The following SPIDR variants were observed in gnomAD, a reference collection of about 807,000 sequenced individuals.
SPIDR encodes scaffold protein involved in DNA repair.
Under a neutral mutation model 104.6 loss-of-function variants are expected in SPIDR, and 93 were observed. The ratio of observed to expected loss-of-function variants is 0.89; its 90% CI spans 0.75 to 1.06. The LOEUF is 1.06. SPIDR is among the 50% of genes least tolerant of loss of function. The pLI is 0.00. For synonymous variants in SPIDR, 431 were observed against 416.9 expected (o/e 1.03, Z -0.41); for missense variants, 1,154 against 1,111.2 (o/e 1.04, Z -0.55).
At chr8:47,351,295 TG>T (rs1229562354) in intron 5 of SPIDR, among the ~76,000 whole-genome samples, 4 of 152,296 alleles carry the variant, frequency 2.6e-5, no homozygotes, top group African/African-American at 9.6e-5. Context: ...AGACATCCAC[TG>T]GGGGTCTTGA....
At chr8:47,581,787 T>G (rs749530857) in intron 8 of SPIDR, among the ~76,000 whole-genome samples, 1 of 152,204 alleles carries the variant, frequency 6.6e-6, no homozygotes, top group Non-Finnish European at 1.5e-5. Flanking sequence ...GAAAAAAATT[T>G]CTATTTGCCT....
intron 7 of SPIDR, among the ~76,000 whole-genome samples, chr8:47,430,281 A>G (rs1425646456): frequency 6.6e-6 from 1 of 152,196 alleles, no homozygotes; most frequent in Non-Finnish European, 1.5e-5. Context: ...AGATGGCAGC[A>G]AGACACAAAC....
At chr8:47,667,929 C>T (rs1320157088) in intron 10 of SPIDR, 4 of 152,036 alleles carry the variant, frequency 2.6e-5, no homozygotes, top group African/African-American at 9.7e-5. Context: ...ACTGTAGCAT[C>T]TTCATGCTAT....
At chr8:47,301,889 A>C (rs2042145483) in intron 5 of SPIDR, among the ~76,000 whole-genome samples, 1 of 129,926 alleles carries the variant, frequency 7.7e-6, no homozygotes, top group Non-Finnish European at 1.7e-5. Context: ...TTTTTCCTTC[A>C]TTTCAACTTT....
At chr8:47,662,932 C>T (rs961349750) in intron 10 of SPIDR, among the ~76,000 whole-genome samples, 2 of 152,228 alleles carry the variant, frequency 1.3e-5, no homozygotes, top group Non-Finnish European at 2.9e-5. Context: ...CTGCTGGTGC[C>T]TTGATCTGGG....
intron 7 of SPIDR, among the ~76,000 whole-genome samples, chr8:47,430,354 T>C (rs1220484256): frequency 6.6e-6 from 1 of 152,242 alleles, no homozygotes; most frequent in Non-Finnish European, 1.5e-5. Context: ...TTATTCTGGC[T>C]CATCATAGGT....
chr8:47,398,328 C>T (rs1380939360), intron 6 of SPIDR, among the ~76,000 whole-genome samples: 1 of 152,112 alleles, frequency 6.6e-6, no homozygotes, highest in Non-Finnish European at 1.5e-5. Flanking sequence ...GGAATGGTTG[C>T]TCATAACAGA....
intron 5 of SPIDR, among the ~76,000 whole-genome samples, chr8:47,389,673 A>C (rs971394888): frequency 7.4e-6 from 1 of 135,350 alleles, no homozygotes; most frequent in Non-Finnish European, 1.5e-5. Flanking sequence ...TGGGCGACAG[A>C]GCAAGACTCC....
intron 10 of SPIDR, among the ~76,000 whole-genome samples, chr8:47,599,450 A>G (rs2062000404): frequency 6.6e-6 from 1 of 152,190 alleles, no homozygotes. Context: ...CATGTTCTTG[A>G]AAGTAATACA....
At chr8:47,547,348 TGG>T (rs1376636842) in intron 8 of SPIDR, 2 of 490,392 alleles carry the variant, frequency 4.1e-6, no homozygotes, top group Admixed American at 4.8e-5. Flanking sequence ...TCCAGCAGGG[TGG>T]GTTATATCAG....
At chr8:47,368,954 G>A (rs1554636790) in intron 5 of SPIDR, among the ~76,000 whole-genome samples, 1 of 152,182 alleles carries the variant, frequency 6.6e-6, no homozygotes, top group African/African-American at 2.4e-5. Flanking sequence ...GTAGTAAACT[G>A]CTGTGATGCC....
intron 5 of SPIDR, among the ~76,000 whole-genome samples, chr8:47,384,453 T>G (rs1184331514): frequency 1.3e-5 from 2 of 152,224 alleles, no homozygotes; most frequent in Non-Finnish European, 2.9e-5. Flanking sequence ...TTTTTAGTAC[T>G]TCAGCGTAAT....
intron 8 of SPIDR, among the ~76,000 whole-genome samples, chr8:47,445,420 C>T (rs1263591770): frequency 9.2e-5 from 14 of 152,284 alleles, no homozygotes; most frequent in Admixed American, 6.5e-4. Flanking sequence ...TCTAACTGCT[C>T]CATTGACCGG....
intron 11 of SPIDR, 87 bp downstream of exon 11, chr8:47,674,028 TA>T: frequency 1.4e-6 from 2 of 1,459,524 alleles, no homozygotes; most frequent in Non-Finnish European, 9.1e-7. Context: ...TTTTTAAAAT[TA>T]AAAGGCAATA....
At chr8:47,724,814 C>A (rs547490012) in intron 16 of SPIDR, among the ~76,000 whole-genome samples, 45 of 152,326 alleles carry the variant, frequency 3.0e-4, no homozygotes, top group African/African-American at 1.1e-3. Flanking sequence ...CACAAGGCCT[C>A]CTCGTCTCTA....
chr8:47,649,650 G>T (rs1015366824), intron 10 of SPIDR, among the ~76,000 whole-genome samples: 2 of 152,232 alleles, frequency 1.3e-5, no homozygotes, highest in South Asian at 4.1e-4. Flanking sequence ...GTCCTTATTT[G>T]TAGGAAAAAC....
At chr8:47,673,519 T>G in intron 10 of SPIDR, 2 of 523,222 alleles carry the variant, frequency 3.8e-6, no homozygotes, top group Admixed American at 4.5e-5. Flanking sequence ...GGCTTAGGTT[T>G]TAGTTTCATG....
At chr8:47,333,510 G>T (rs1450022704) in intron 5 of SPIDR, among the ~76,000 whole-genome samples, 1 of 151,822 alleles carries the variant, frequency 6.6e-6, no homozygotes, top group African/African-American at 2.4e-5. Flanking sequence ...CACCATGTTG[G>T]CCAGGCTGGT....
chr8:47,644,588 A>G (rs1034021829), intron 10 of SPIDR, among the ~76,000 whole-genome samples: 22 of 152,168 alleles, frequency 1.4e-4, no homozygotes, highest in African/African-American at 5.3e-4. Context: ...TGGACAAATT[A>G]CCTTATACTT....
Sources: gnomAD v4.1 joint callset for allele counts (sites outside exome capture counted in the v4.1 genomes callset) on GRCh38, gnomAD v4.1.1 for gene constraint, MANE v1.5 for transcripts, NCBI Gene and HGNC (gene_info 2026-07-23, HGNC 2026-07-21) for gene names.